The following SSBP3 variants were observed in gnomAD, a reference collection of about 807,000 sequenced individuals.
SSBP3 encodes the protein single stranded DNA binding protein 3.
Under a neutral mutation model 69.6 loss-of-function variants are expected in SSBP3, and 5 were observed. That is an observed-to-expected ratio of 0.07 (90% confidence interval 0.04 to 0.15). The LOEUF (loss-of-function observed/expected upper bound fraction) is 0.15. Ranked by LOEUF, SSBP3 falls within the 10% of genes least tolerant of loss-of-function variation. The pLI is 1.00. For synonymous variants in SSBP3, 196 were observed against 193.4 expected (o/e 1.01, Z -0.11); for missense variants, 312 against 534.0 (o/e 0.58, Z 4.10).
intron 4 of SSBP3, among the ~76,000 whole-genome samples, chr1:54,309,568 C>T (rs780062239): frequency 1.3e-5 from 2 of 152,214 alleles, no homozygotes. Flanking sequence ...AGTCAATGAG[C>T]TTAGACAACG....
chr1:54,246,385 T>G (rs1182921522), intron 9 of SSBP3, among the ~76,000 whole-genome samples: 1 of 152,202 alleles, frequency 6.6e-6, no homozygotes, highest in Non-Finnish European at 1.5e-5. Context: ...ACAGCCCAGC[T>G]GACTAGAGAG....
intron 9 of SSBP3, among the ~76,000 whole-genome samples, chr1:54,250,848 A>T (rs1644816496): frequency 6.6e-6 from 1 of 152,176 alleles, no homozygotes; most frequent in Admixed American, 6.5e-5. Context: ...TCCACAGCAG[A>T]ACACCTGTCA....
chr1:54,375,353 T>TGCAGCATGCATTCATGCATGCA (rs10645370), intron 4 of SSBP3, among the ~76,000 whole-genome samples: 2 of 151,594 alleles, frequency 1.3e-5, no homozygotes, highest in African/African-American at 4.9e-5. Context: ...CATGCATGCA[T>TGCAGCATGCATTCATGCATGCA]GCATGCATTC....
intron 5 of SSBP3, among the ~76,000 whole-genome samples, chr1:54,264,757 G>C (rs746688655): frequency 6.6e-6 from 1 of 152,158 alleles, no homozygotes; most frequent in African/African-American, 2.4e-5. Context: ...AGCCAAATCC[G>C]CCTTTTGTCT....
chr1:54,407,848 A>G (rs1426897625), upstream of SSBP3, among the ~76,000 whole-genome samples: 1 of 149,888 alleles, frequency 6.7e-6, no homozygotes, highest in Non-Finnish European at 1.5e-5. Context: ...ATTAAAGGAT[A>G]GGTCAGTGTC....
intron 14 of SSBP3, among the ~76,000 whole-genome samples, chr1:54,234,379 A>G (rs1373946165): frequency 6.6e-6 from 1 of 151,630 alleles, no homozygotes; most frequent in Non-Finnish European, 1.5e-5. Context: ...TAAAAATAAA[A>G]AATAAAAAAT....
chr1:54,355,001 A>C (rs1313056758), intron 4 of SSBP3, among the ~76,000 whole-genome samples: 1 of 152,202 alleles, frequency 6.6e-6, no homozygotes, highest in Non-Finnish European at 1.5e-5. Context: ...TGCCCTCGAC[A>C]CAAGGTCCCT....
intron 4 of SSBP3, among the ~76,000 whole-genome samples, chr1:54,351,760 G>GC (rs1255128024): frequency 6.6e-6 from 1 of 152,174 alleles, no homozygotes; most frequent in Non-Finnish European, 1.5e-5. Flanking sequence ...CTTTATGGGA[G>GC]CCCCTGTTTT....
At chr1:54,309,428 T>C (rs932013063) in intron 4 of SSBP3, among the ~76,000 whole-genome samples, 1 of 152,216 alleles carries the variant, frequency 6.6e-6, no homozygotes, top group Non-Finnish European at 1.5e-5. Flanking sequence ...GCATCCCTTC[T>C]CTGCGCAGCA....
In SSBP3 at chr1:54,320,463, G is replaced by A. The variant is rs1569795227; in HGVS notation, c.277-38936C>T. Among the ~76,000 whole-genome samples the A allele has an allele frequency of 2.0e-5, 3 of 147,682 alleles. 1 individual carries two copies. Among genetic ancestry groups the A allele is most frequent in the African/African-American group, 7.8e-5 (3 of 38,692 alleles). On this transcript the variant is annotated intron_variant, in intron 4 of 17. Transcript: ENST00000610401. ...CTCCCGAGTAGATGGGACTACAGGTGCCCGCCACCATGCTGGCTAATTTTT... is the reference window on the plus strand; with the variant it reads ...CTCCCGAGTAGATGGGACTACAGGTACCCGCCACCATGCTGGCTAATTTTT...
At chr1:54,228,144 C>T (rs558695729) in intron 17 of SSBP3, 111 bp downstream of exon 17, 25 of 992,628 alleles carry the variant, frequency 2.5e-5, no homozygotes, top group Admixed American at 1.4e-4. Context: ...AACCATAACA[C>T]GGCCACCAGC....
In SSBP3 at chr1:54,334,992, C is replaced by T. The variant is rs371154154; in HGVS notation, c.277-53465G>A. ...AGGAGGCTGAACTAATAAGCTCTGA[C>T]TCAAGCAGCACAGAGGCACTGCCCC... is the stretch of plus-strand genomic sequence containing the variant. On this transcript the variant is annotated intron_variant, in intron 4 of 17. Transcript: ENST00000610401. Among the ~76,000 whole-genome samples, 6 of 152,310 alleles carry T rather than the reference C, an allele frequency of 3.9e-5. No homozygotes were observed. In the South Asian group the frequency reaches 6.2e-4, roughly 16 times the overall value.
chr1:54,349,096 G>A (rs1646739106), intron 4 of SSBP3, among the ~76,000 whole-genome samples: 1 of 152,216 alleles, frequency 6.6e-6, no homozygotes, highest in Non-Finnish European at 1.5e-5. Context: ...TCTGAACAAA[G>A]CTCTTCTGAG....
chr1:54,240,793 G>A (rs1305245287), intron 13 of SSBP3, 112 bp downstream of exon 13: 6 of 1,398,842 alleles, frequency 4.3e-6, no homozygotes, highest in Non-Finnish European at 6.0e-6. Context: ...TGCTGCCCAG[G>A]AAGGAGTGGC....
chr1:54,331,359 A>G (rs764591672), intron 4 of SSBP3, among the ~76,000 whole-genome samples: 26 of 152,352 alleles, frequency 1.7e-4, no homozygotes, highest in Non-Finnish European at 2.5e-4. Flanking sequence ...TCACGTCCAG[A>G]TACTTGGGTT....
chr1:54,232,798 G>A (rs953625096), intron 14 of SSBP3, among the ~76,000 whole-genome samples: 7 of 152,200 alleles, frequency 4.6e-5, no homozygotes, highest in Non-Finnish European at 8.8e-5. Context: ...TGGCCGGGCC[G>A]TCTCCAGCCC....
At chr1:54,267,762 C>A (rs1169095925) in intron 5 of SSBP3, among the ~76,000 whole-genome samples, 1 of 152,198 alleles carries the variant, frequency 6.6e-6, no homozygotes, top group Non-Finnish European at 1.5e-5. Flanking sequence ...CATATCTATT[C>A]TGTTCCTTTC....
chr1:54,395,506 C>T (rs1006892211), intron 4 of SSBP3, among the ~76,000 whole-genome samples: 2 of 152,226 alleles, frequency 1.3e-5, no homozygotes, highest in Non-Finnish European at 2.9e-5. Flanking sequence ...TTATCAGTAC[C>T]AGTCTGTGAC....
chr1:54,298,832 C>T (rs1645748298), intron 4 of SSBP3, among the ~76,000 whole-genome samples: 1 of 152,096 alleles, frequency 6.6e-6, no homozygotes, highest in Admixed American at 6.6e-5. Context: ...ATACGCGTCG[C>T]CCACTTCTCC....
Sources: gnomAD v4.1 joint callset for allele counts (sites outside exome capture counted in the v4.1 genomes callset) on GRCh38, gnomAD v4.1.1 for gene constraint, MANE v1.5 for transcripts, NCBI Gene and HGNC (gene_info 2026-07-23, HGNC 2026-07-21) for gene names.